Variants in IQGAP2 observed in about 807,000 individuals in gnomAD.
IQGAP2 encodes IQ motif containing GTPase activating protein 2.
Under a neutral mutation model 201.3 loss-of-function variants are expected in IQGAP2, and 173 were observed. The ratio of observed to expected loss-of-function variants is 0.86; its 90% CI spans 0.76 to 0.98. The LOEUF is 0.98. Among genes scored for constraint, IQGAP2 ranks in the 50% least tolerant of loss-of-function variants. The pLI, the probability that IQGAP2 is intolerant of heterozygous loss-of-function variation, is 0.00. For synonymous variants in IQGAP2, 675 were observed against 673.9 expected (o/e 1.00, Z -0.03); for missense variants, 1,687 against 1,864.8 (o/e 0.90, Z 1.76).
In IQGAP2 at chr5:76,619,555, C is replaced by T. The variant is rs533565423; in HGVS notation, c.1522-7855C>T. 7.2e-5 allele frequency among the ~76,000 whole-genome samples: 10 copies of T among 139,794 alleles called. No individual in the cohort carries two copies. The East Asian group carries it at 1.3e-3, about 17-fold the overall frequency. The allele number at this position is 139,794 out of a possible 152,430, so 91.7% of individuals were successfully genotyped here. A position where few individuals can be genotyped will look rare whatever the true frequency, so the allele number is the denominator to read the frequency against. On this transcript the variant is annotated intron_variant, in intron 13 of 35. Transcript: ENST00000274364. ...TTTTTTTGAGACAGTCTCACTCTGT[C>T]GCCCAGGCTGGAGTGCAGTGGCACG...
At chr5:76,609,836 T>C (rs558307708) in intron 12 of IQGAP2, among the ~76,000 whole-genome samples, 2,298 of 127,340 alleles carry the variant, frequency 0.018, 33 homozygotes, top group Admixed American at 0.025. Flanking sequence ...GTGTTTTATA[T>C]ATATATGTGT....
At chr5:76,439,537 A>G (rs990883052) in intron 1 of IQGAP2, among the ~76,000 whole-genome samples, 3 of 152,122 alleles carry the variant, frequency 2.0e-5, no homozygotes, top group African/African-American at 4.8e-5. Context: ...TTAGGTGCAC[A>G]TATGTTTAGG....
intron 3 of IQGAP2, among the ~76,000 whole-genome samples, chr5:76,568,008 A>G (rs1744871607): frequency 6.6e-6 from 1 of 152,210 alleles, no homozygotes; most frequent in Non-Finnish European, 1.5e-5. Context: ...ACAGGACTGG[A>G]GCGGGAAGAA....
chr5:76,496,734 TTTCTTTCTTTCTTTC>T (rs1561416202), intron 2 of IQGAP2, among the ~76,000 whole-genome samples: 10 of 38,444 alleles, frequency 2.6e-4, no homozygotes, highest in African/African-American at 7.4e-4. Flanking sequence ...CTTTTCTTTC[TTTCTTTCTTTCTTTC>T]TTTCTTTCTT....
At chr5:76,586,384 G>A (rs1746248012) in intron 5 of IQGAP2, among the ~76,000 whole-genome samples, 1 of 151,914 alleles carries the variant, frequency 6.6e-6, no homozygotes, top group African/African-American at 2.4e-5. Flanking sequence ...CTTTGCTATG[G>A]TTTTAAAGGA....
chr5:76,494,094 AT>A (rs1026225695), intron 2 of IQGAP2, among the ~76,000 whole-genome samples: 9 of 151,916 alleles, frequency 5.9e-5, no homozygotes, highest in African/African-American at 2.2e-4. Context: ...TTAAATTTGT[AT>A]TTTTTTTATT....
chr5:76,446,349 C>T (rs191464063), intron 1 of IQGAP2, among the ~76,000 whole-genome samples: 65 of 151,910 alleles, frequency 4.3e-4, no homozygotes, highest in African/African-American at 1.5e-3. Context: ...CACCACCACT[C>T]GTTGTTTTTT....
intron 35 of IQGAP2, among the ~76,000 whole-genome samples, chr5:76,705,643 C>T (rs879764813): frequency 2.6e-5 from 4 of 152,202 alleles, no homozygotes; most frequent in Non-Finnish European, 4.4e-5. Flanking sequence ...GATGAAAGGA[C>T]TTCAATTCCC....
intron 2 of IQGAP2, among the ~76,000 whole-genome samples, chr5:76,560,879 T>A (rs994373899): frequency 1.3e-5 from 2 of 152,216 alleles, no homozygotes; most frequent in South Asian, 4.1e-4. Context: ...AAACCTTGAA[T>A]AGACTGTTTT....
At chr5:76,612,538 TAA>T (rs1748497561) in intron 13 of IQGAP2, among the ~76,000 whole-genome samples, 1 of 152,048 alleles carries the variant, frequency 6.6e-6, no homozygotes, top group East Asian at 1.9e-4. Context: ...TCAAGCTATC[TAA>T]AAGATAATTA....
At chr5:76,580,186 G>T (rs1281049910) in intron 5 of IQGAP2, among the ~76,000 whole-genome samples, 1 of 152,078 alleles carries the variant, frequency 6.6e-6, no homozygotes, top group Non-Finnish European at 1.5e-5. Flanking sequence ...TGAGGCAGGA[G>T]AATCGCTTGA....
intron 2 of IQGAP2, 54 bp from the exon 3 acceptor site, chr5:76,562,342 G>A: frequency 7.4e-7 from 1 of 1,360,030 alleles, no homozygotes; most frequent in Non-Finnish European, 1.0e-6. Context: ...GCCTTCATTT[G>A]CAGAAAGTTA....
At chr5:76,599,422 G>A (rs977141822) in intron 10 of IQGAP2, among the ~76,000 whole-genome samples, 4 of 152,132 alleles carry the variant, frequency 2.6e-5, no homozygotes, top group African/African-American at 9.7e-5. Flanking sequence ...ACCTGTGGCT[G>A]TCCAACCTCA....
chr5:76,579,553 T>C (rs1745698321), intron 5 of IQGAP2, among the ~76,000 whole-genome samples: 1 of 152,192 alleles, frequency 6.6e-6, no homozygotes, highest in Admixed American at 6.5e-5. Flanking sequence ...TGAAATAATT[T>C]ACTTTCTTAA....
intron 20 of IQGAP2, among the ~76,000 whole-genome samples, chr5:76,656,481 G>A (rs960249161): frequency 5.5e-5 from 5 of 90,806 alleles, no homozygotes; most frequent in Admixed American, 2.9e-4. Flanking sequence ...GCGCCCAGCC[G>A]TTTTTGGTTT....
intron 2 of IQGAP2, among the ~76,000 whole-genome samples, chr5:76,503,019 T>G (rs1179649538): frequency 6.6e-6 from 1 of 152,048 alleles, no homozygotes; most frequent in Non-Finnish European, 1.5e-5. Context: ...GTGCTGTGAT[T>G]ACAGGCATGA....
At chr5:76,518,722 G>A (rs1008090936) in intron 2 of IQGAP2, among the ~76,000 whole-genome samples, 2 of 152,130 alleles carry the variant, frequency 1.3e-5, no homozygotes, top group Admixed American at 6.5e-5. Context: ...CACTATTGAT[G>A]GAGTTGACAG....
chr5:76,507,805 TTCAAGA>T (rs1354952223), intron 2 of IQGAP2, among the ~76,000 whole-genome samples: 1 of 141,550 alleles, frequency 7.1e-6, no homozygotes, highest in Non-Finnish European at 1.5e-5. Flanking sequence ...AGGTCAGGAG[TTCAAGA>T]TCAACCTGAC....
intron 1 of IQGAP2, among the ~76,000 whole-genome samples, chr5:76,414,546 T>C (rs4501323): frequency 0.38 from 58,550 of 152,104 alleles, 17,118 homozygotes; most frequent in African/African-American, 0.81. Context: ...TAAGGCCGGA[T>C]ATGGTGGCTC....
Sources: gnomAD v4.1 joint callset for allele counts (sites outside exome capture counted in the v4.1 genomes callset) on GRCh38, gnomAD v4.1.1 for gene constraint, MANE v1.5 for transcripts, NCBI Gene and HGNC (gene_info 2026-07-23, HGNC 2026-07-21) for gene names.